Variants in SYPL2 observed in about 807,000 individuals in gnomAD.
SYPL2 encodes synaptophysin like 2, also known as synaptophysin-like protein 2.
Under a neutral mutation model 31.3 loss-of-function variants are expected in SYPL2, and 24 were observed. The observed-to-expected ratio is 0.77, with a 90% CI of 0.56 to 1.08. The LOEUF (loss-of-function observed/expected upper bound fraction) is 1.08, where lower values mean the gene tolerates loss of function less well. SYPL2 is among the 50% of genes least tolerant of loss of function. The probability of loss-of-function intolerance (pLI) is 0.00; values close to 1 mark genes in which losing one functional copy is unlikely to be tolerated. For synonymous variants in SYPL2, 144 were observed against 143.1 expected (o/e 1.01, Z -0.05); for missense variants, 342 against 360.1 (o/e 0.95, Z 0.41).
chr1:109,475,672 G>A lies in SYPL2; in HGVS notation c.221G>A (p.Ser74Asn), dbSNP rs1655977638. The A allele has an allele frequency of 1.2e-6, 2 of 1,613,984 alleles. No homozygotes were observed. The highest frequency in any genetic ancestry group is 2.7e-5 in the African/African-American group (2 of 74,914). ...TGCAACAACGAAGCCAAGGACGTGA[G>A]CTCCATCATCGTTGCATTTGGCTAT... ...VRCNNEAKDV[S>N]SIIVAFGYPF... is the part of the protein sequence containing the mutation. Residue 74 changes from serine (S) to asparagine (N), a missense_variant, in exon 3 of 6, where the codon AGC becomes AAC. Coordinates refer to ENST00000369872, the MANE Select transcript of SYPL2 (RefSeq NM_001040709.2).
Position 109,477,964 on chromosome 1 carries a change from C to T in SYPL2, c.603C>T (p.Cys201=), listed in dbSNP as rs749891314. The T allele has an allele frequency of 1.9e-6, 3 of 1,614,202 alleles. No individual in the cohort carries two copies. The highest frequency in any genetic ancestry group is 2.5e-6 in the Non-Finnish European group (3 of 1,180,042). The change falls in exon 5 of 6, where the codon TGC becomes TGT. Residue 201 remains cysteine, a synonymous_variant. Transcript: ENST00000369872. The part of the protein sequence containing the change: ...MSVCHGEEAV[C]SAGATPSMGL... ...TGTGCCATGGAGAGGAAGCAGTGTGCAGTGCCGGGGCCACGCCCTCTATGG... is the reference window on the plus strand; with the variant it reads ...TGTGCCATGGAGAGGAAGCAGTGTGTAGTGCCGGGGCCACGCCCTCTATGG...
At chr1:109,471,010 G>A (rs922106286) in intron 2 of SYPL2, among the ~76,000 whole-genome samples, 1 of 152,184 alleles carries the variant, frequency 6.6e-6, no homozygotes, top group African/African-American at 2.4e-5. Flanking sequence ...TCCAGCACCT[G>A]GCACAAGGTA....
At chr1:109,476,019 C>G (rs975792906) in intron 3 of SYPL2, among the ~76,000 whole-genome samples, 1 of 152,190 alleles carries the variant, frequency 6.6e-6, no homozygotes, top group Non-Finnish European at 1.5e-5. Flanking sequence ...GGAACCTGGA[C>G]AAGCTGGACA....
intron 2 of SYPL2, among the ~76,000 whole-genome samples, chr1:109,471,046 G>A (rs1456445684): frequency 6.6e-6 from 1 of 152,164 alleles, no homozygotes; most frequent in Non-Finnish European, 1.5e-5. Flanking sequence ...TTGAGTTAAT[G>A]AGCAAATGAA....
chr1:109,470,225 G>A (rs1372690802), intron 2 of SYPL2, among the ~76,000 whole-genome samples: 4 of 152,140 alleles, frequency 2.6e-5, no homozygotes, highest in Non-Finnish European at 4.4e-5. Flanking sequence ...CCTGGGCTCA[G>A]GTGATATTCC....
In SYPL2 at chr1:109,466,853, A is replaced by G; in HGVS notation, c.10A>G (p.Thr4Ala). The G allele has an allele frequency of 6.5e-7, 1 of 1,528,524 alleles. No individual in the cohort carries two copies. The highest frequency in any genetic ancestry group is 8.7e-7 in the Non-Finnish European group (1 of 1,143,708). 94.7% of individuals were successfully genotyped at this position (1,528,524 alleles called of 1,614,324 possible). A position where few individuals can be genotyped will look rare whatever the true frequency, so the allele number is the denominator to read the frequency against. The change falls in exon 1 of 6, where the codon ACC (threonine) becomes GCC (alanine). Residue 4 changes from threonine to alanine, a missense_variant. Physicochemically the swap from Thr to Ala is moderately conservative, Grantham distance 58. Transcript: ENST00000369872. MSSTESAGRTADKS... is the reference protein window; with the variant it reads MSSAESAGRTADKS... ...CGCTCGCCGCGCCAGCATGTCCTCG[A>G]CCGAGAGCGCCGGCCGCACGGCGGA...
Position 109,479,640 on chromosome 1 carries a change from C to T in SYPL2, c.*92C>T, listed in dbSNP as rs1441754737. ...CTTTCTCTTCCTCCTCCTCCAATTC[C>T]CCTCCCCCATCATTCTGGTCTTTGA... On this transcript the variant is annotated 3_prime_UTR_variant, in exon 6 of 6. Transcript: ENST00000369872. 27 of 1,521,724 alleles carry T rather than the reference C, an allele frequency of 1.8e-5. No individual in the cohort carries two copies. Among genetic ancestry groups the T allele is most frequent in the South Asian group, 3.8e-5 (3 of 78,874 alleles). 94.3% of individuals were successfully genotyped at this position (1,521,724 alleles called of 1,614,324 possible). A position where few individuals can be genotyped will look rare whatever the true frequency, so the allele number is the denominator to read the frequency against.
intron 2 of SYPL2, among the ~76,000 whole-genome samples, chr1:109,468,709 G>C (rs1201558421): frequency 6.6e-6 from 1 of 152,172 alleles, no homozygotes; most frequent in Non-Finnish European, 1.5e-5. Flanking sequence ...AAACAATGAG[G>C]TTATTAGACC....
chr1:109,469,977 C>T (rs890226743), intron 2 of SYPL2, among the ~76,000 whole-genome samples: 1 of 151,272 alleles, frequency 6.6e-6, no homozygotes, highest in African/African-American at 2.4e-5. Flanking sequence ...GAGTAAATAT[C>T]AAATCTTTTT....
rs1338281755 is a variant in SYPL2, at chr1:109,481,712, G to A, written c.*2164G>A. ...GGCTCTCTTGTTCTCCATCAGGAGA[G>A]CCTTGATTTAGGCTACGGCCTCACT... On this transcript the variant is annotated 3_prime_UTR_variant, in exon 6 of 6. Transcript: ENST00000369872. 6.6e-6 allele frequency: 1 copy of A among 152,194 alleles called. No homozygotes were observed. Among genetic ancestry groups the A allele is most frequent in the Non-Finnish European group, 1.5e-5 (1 of 68,048 alleles). The allele number at this position is 152,194 out of a possible 1,614,324, so 9.4% of individuals were successfully genotyped here. A position where few individuals can be genotyped will look rare whatever the true frequency, so the allele number is the denominator to read the frequency against.
intron 2 of SYPL2, chr1:109,475,378 A>G: frequency 1.6e-6 from 1 of 623,632 alleles, no homozygotes; most frequent in Non-Finnish European, 2.6e-6. Context: ...CCTTGTATTC[A>G]TTTGGCTATT....
At chr1:109,471,960 T>C (rs1035431740) in intron 2 of SYPL2, among the ~76,000 whole-genome samples, 5 of 151,592 alleles carry the variant, frequency 3.3e-5, no homozygotes, top group African/African-American at 1.2e-4. Context: ...CCACCTTGCT[T>C]CCCAAAGTGT....
intron 2 of SYPL2, among the ~76,000 whole-genome samples, chr1:109,472,814 CTATGTTGCCTA>C (rs746397124): frequency 1.3e-5 from 2 of 151,554 alleles, no homozygotes; most frequent in Non-Finnish European, 2.9e-5. Context: ...GAGGGTCTTG[CTATGTTGCCTA>C]TATGTTGCTA....
At chr1:109,475,816 C>T (rs1444193082) in intron 3 of SYPL2, 111 bp downstream of exon 3, 3 of 1,443,808 alleles carry the variant, frequency 2.1e-6, no homozygotes, top group Non-Finnish European at 2.8e-6. Context: ...CGTGCCACTC[C>T]AGATTCAAAT....
intron 2 of SYPL2, among the ~76,000 whole-genome samples, chr1:109,469,405 C>A (rs1296276607): frequency 6.6e-6 from 1 of 150,796 alleles, no homozygotes; most frequent in Non-Finnish European, 1.5e-5. Context: ...CAACTAATCT[C>A]ACCTCAATTC....
intron 1 of SYPL2, 68 bp from the exon 2 acceptor site, chr1:109,466,991 G>T: frequency 6.5e-7 from 1 of 1,535,674 alleles, no homozygotes; most frequent in Non-Finnish European, 8.7e-7. Context: ...TGTGAGTGGG[G>T]CAAGGGGACC....
In SYPL2 at chr1:109,478,037, A is replaced by C; in HGVS notation, c.648+28A>C. 1 of 1,612,482 alleles carries C rather than the reference A, an allele frequency of 6.2e-7. No homozygotes were observed. ...GAGACCTGTGGCCACTGCAGGAAGC[A>C]GCACCAGCCCTGCTGCCCAGGCCTG... On this transcript the variant is annotated intron_variant, in intron 5 of 5. Coordinates refer to ENST00000369872, the MANE Select transcript of SYPL2 (RefSeq NM_001040709.2). This position sits in a 1 kb window ranked among gnomAD's most constrained non-coding sequence, Gnocchi z 4.0.
intron 2 of SYPL2, chr1:109,475,320 T>TGGACA (rs1333620831): frequency 2.9e-6 from 1 of 345,184 alleles, no homozygotes; most frequent in Non-Finnish European, 5.2e-6. Context: ...ATCTGGCAAC[T>TGGACA]GTCCATTTCC....
rs528031848 is a variant in SYPL2, at chr1:109,478,145, G to A, written c.648+136G>A. ...CACCTGGAGCTGGTGCCCTCACTGC[G>A]CTTCATGCTGGCTGCTGGCTCCTGG... is the stretch of plus-strand genomic sequence containing the variant. On this transcript the variant is annotated intron_variant, in intron 5 of 5. Transcript: ENST00000369872. This position sits in a 1 kb window ranked among gnomAD's most constrained non-coding sequence, Gnocchi z 4.0. 22 of 1,444,782 alleles carry A rather than the reference G, an allele frequency of 1.5e-5. No homozygotes were observed. The highest frequency in any genetic ancestry group is 1.1e-4 in the African/African-American group (8 of 70,280). 89.5% of individuals were successfully genotyped at this position (1,444,782 alleles called of 1,614,324 possible).
Sources: allele counts gnomAD v4.1 joint callset (sites outside exome capture counted in the v4.1 genomes callset), GRCh38; gene constraint gnomAD v4.1.1; non-coding constraint Gnocchi (gnomAD v3.1); transcripts MANE v1.5; gene names NCBI Gene and HGNC (gene_info 2026-07-23, HGNC 2026-07-21).